The following KANK3 variants were observed in gnomAD, a reference collection of about 807,000 sequenced individuals.
KANK3 encodes the protein KN motif and ankyrin repeat domain-containing protein 3.
A neutral mutation model predicts 65.4 loss-of-function variants in KANK3; 61 were observed. That is an observed-to-expected ratio of 0.93 (90% CI 0.76 to 1.15). The LOEUF is 1.15. Ranked by LOEUF, KANK3 falls within the 50% of genes most tolerant of loss-of-function variation. KANK3 has a pLI of 0.00. For missense variants in KANK3, 1,187 were observed against 1,178.8 expected, an observed-to-expected ratio of 1.01 and a Z score of -0.10; for synonymous variants, 586 against 543.3, an observed-to-expected ratio of 1.08 and a Z score of -1.09.
rs148544896 is a variant in KANK3 at position 8,334,331 on chromosome 19, G to C, written c.1416C>G (p.Val472=). The stretch of plus-strand genomic sequence containing the variant: ...GGAAAGGCGCTCACTCTCCGTTGAG[G>C]ACCCCAACAAACTGCAGGCTCTTGG... ...SGPKSLQFVG[V]LNGEYESSSS... Residue 472 remains valine, a synonymous_variant, in exon 4 of 11, where the codon GTC becomes GTG. Coordinates refer to ENST00000330915, the MANE Select transcript of KANK3 (RefSeq NM_198471.3). The C allele has an allele frequency of 1.2e-6, 2 of 1,613,994 alleles. No homozygotes were observed. Among genetic ancestry groups the C allele is most frequent in the Admixed American group, 1.7e-5 (1 of 60,006 alleles).
chr19:8,335,658 G>A lies in KANK3; in HGVS notation c.169C>T (p.Arg57Cys). ...GGGGCGCGGCGGGCAGCGGGGCCAC[G>A]CTCCAGCTCCTCTATGTACTTGAGG... ...DFLKYIEELE[R>C]GPAARRAPGP... Residue 57 changes from arginine to cysteine, a missense_variant, in exon 3 of 11, where the codon CGT (arginine) becomes TGT (cysteine). By Grantham distance (180) the Arg-to-Cys change is radical. Around this residue, in one of 3 missense-constraint regions of KANK3, gnomAD observed 104 missense variants for 122.1 expected, o/e 0.85. Transcript: ENST00000330915. 1 of 1,250,250 alleles carries A rather than the reference G, an allele frequency of 8.0e-7. No individual in the cohort carries two copies. Among genetic ancestry groups the A allele is most frequent in the South Asian group, 4.0e-5 (1 of 25,276 alleles). The allele number at this position is 1,250,250 out of a possible 1,614,324, so 77.4% of individuals were successfully genotyped here.
At chr19:8,337,199 A>ATTTTTTT (rs33926642) in intron 2 of KANK3, among the ~76,000 whole-genome samples, 6 of 88,846 alleles carry the variant, frequency 6.8e-5, no homozygotes, top group Non-Finnish European at 1.0e-4. Flanking sequence ...TGCCTGGCTA[A>ATTTTTTT]TTTTTTTTTT....
At position 8,333,635 on chromosome 19, in the gene KANK3, TG is replaced by T; in HGVS notation, c.1719+88del. On this transcript the variant is annotated intron_variant, in intron 6 of 10. Coordinates refer to ENST00000330915, the MANE Select transcript of KANK3 (RefSeq NM_198471.3). The surrounding 1 kb of genome is among the most constrained non-coding windows in gnomAD (Gnocchi z 5.0). ...AGGCGAGGTGCCTGGCGGGAAGGGATGGAACCCGGTGTGCTCCCCTAAGTGG... is the reference window on the plus strand; with the variant it reads ...AGGCGAGGTGCCTGGCGGGAAGGGATGAACCCGGTGTGCTCCCCTAAGTGG... 1 of 1,090,832 alleles carries T rather than the reference TG, an allele frequency of 9.2e-7. No homozygotes were observed. The allele number at this position is 1,090,832 out of a possible 1,614,324, so 67.6% of individuals were successfully genotyped here. A position where few individuals can be genotyped will look rare whatever the true frequency, so the allele number is the denominator to read the frequency against.
rs778075778 is a variant in KANK3 at position 8,324,748 on chromosome 19, ACAT to A, written c.2162_2164del (p.Asp721del). 6 of 1,614,068 alleles carry A rather than the reference ACAT, an allele frequency of 3.7e-6. No homozygotes were observed. The highest frequency in any genetic ancestry group is 1.1e-5 in the South Asian group (1 of 91,092). ...GGCCCCATCCGCATCCTGCGCATTCACATCAGCCCCACACGCCAGTAGGGTTGC... is the reference window on the plus strand; with the variant it reads ...GGCCCCATCCGCATCCTGCGCATTCACAGCCCCACACGCCAGTAGGGTTGC... On this transcript the variant is annotated inframe_deletion, in exon 9 of 11. Transcript: ENST00000330915.
chr19:8,335,455 G>A lies in KANK3; in HGVS notation c.372C>T (p.Pro124=). The A allele has an allele frequency of 8.1e-7, 1 of 1,227,254 alleles. No individual in the cohort carries two copies. The highest frequency in any genetic ancestry group is 1.0e-6 in the Non-Finnish European group (1 of 982,422). The allele number at this position is 1,227,254 out of a possible 1,614,324, so 76.0% of individuals were successfully genotyped here. A position where few individuals can be genotyped will look rare whatever the true frequency, so the allele number is the denominator to read the frequency against. The change falls in exon 3 of 11, where the codon CCC becomes CCT. Residue 124 remains proline, a synonymous_variant. Transcript: ENST00000330915. ...LLMQPLSPRA[P]VRNPRVEHTL... ...TGTGCTCGACGCGCGGGTTGCGCAC[G>A]GGCGCGCGCGGCGACAGCGGCTGCA...
Position 8,333,309 on chromosome 19 carries a change from A to T in KANK3, c.1720-79T>A. 8.3e-7 allele frequency: 1 copy of T among 1,198,360 alleles called. No homozygotes were observed. The highest frequency in any genetic ancestry group is 2.4e-5 in the East Asian group (1 of 41,604). 74.2% of individuals were successfully genotyped at this position (1,198,360 alleles called of 1,614,324 possible). On this transcript the variant is annotated intron_variant, in intron 6 of 10. Transcript: ENST00000330915. The surrounding 1 kb of genome is among the most constrained non-coding windows in gnomAD (Gnocchi z 5.0). The stretch of plus-strand genomic sequence containing the variant: ...GGTGGGGGAGCTGGGGAGGGGCGGG[A>T]CTGGGAAGAGACCCATTTGGCGTTT...
chr19:8,339,303 G>A (rs978378886), intron 1 of KANK3, among the ~76,000 whole-genome samples: 2 of 151,744 alleles, frequency 1.3e-5, no homozygotes, highest in Admixed American at 6.6e-5. Flanking sequence ...CAGAAGGATC[G>A]CTTGAGCCTA....
chr19:8,336,123 T>A (rs1254862708), intron 2 of KANK3, among the ~76,000 whole-genome samples: 1 of 152,156 alleles, frequency 6.6e-6, no homozygotes, highest in Non-Finnish European at 1.5e-5. Flanking sequence ...GAAGCTTTCC[T>A]GTGAGGGGAC....
chr19:8,324,280 C>T (rs10416635), intron 10 of KANK3, among the ~76,000 whole-genome samples, 169 bp downstream of exon 10: 43,775 of 152,160 alleles, frequency 0.29, 6,779 homozygotes, highest in African/African-American at 0.4. Context: ...CAGAGTGAGA[C>T]CCTGTCTCCC....
intron 1 of KANK3, among the ~76,000 whole-genome samples, chr19:8,338,310 C>T (rs1300815174): frequency 2.6e-5 from 4 of 152,038 alleles, no homozygotes; most frequent in African/African-American, 9.7e-5. Context: ...GCATGAGCCA[C>T]CGTGCCTAGC....
chr19:8,323,875 G>C (rs1231934085), intron 10 of KANK3, among the ~76,000 whole-genome samples: 1 of 152,210 alleles, frequency 6.6e-6, no homozygotes, highest in African/African-American at 2.4e-5. Context: ...GGTGTTGGGG[G>C]TTAATGTGTT....
At chr19:8,327,449 G>A (rs1970448307) in intron 7 of KANK3, among the ~76,000 whole-genome samples, 1 of 152,122 alleles carries the variant, frequency 6.6e-6, no homozygotes, top group Non-Finnish European at 1.5e-5. Flanking sequence ...GGCCAACATG[G>A]TGAAACACCG....
intron 7 of KANK3, among the ~76,000 whole-genome samples, chr19:8,330,447 G>C (rs574286852): frequency 6.6e-6 from 1 of 152,154 alleles, no homozygotes; most frequent in Non-Finnish European, 1.5e-5. Flanking sequence ...TGTAAAAATT[G>C]TCTGGGCACG....
chr19:8,327,716 C>T (rs964610683), intron 7 of KANK3, among the ~76,000 whole-genome samples: 1 of 152,060 alleles, frequency 6.6e-6, no homozygotes, highest in East Asian at 1.9e-4. Context: ...ATCGCTTGAG[C>T]CTGGGAGGTT....
At chr19:8,337,199 ATTTTT>A (rs33926642) in intron 2 of KANK3, among the ~76,000 whole-genome samples, 3 of 88,856 alleles carry the variant, frequency 3.4e-5, no homozygotes, top group Non-Finnish European at 6.2e-5. Context: ...TGCCTGGCTA[ATTTTT>A]TTTTTTTTTT....
Position 8,333,705 on chromosome 19 carries a change from G to A in KANK3, c.1719+19C>T. ...GGCTCCCACGCCACTCCCTGGTGCT[G>A]CGCTCCCGGGGCACTCACGCCGTCG... On this transcript the variant is annotated intron_variant, in intron 6 of 10. Coordinates refer to ENST00000330915, the MANE Select transcript of KANK3 (RefSeq NM_198471.3). The surrounding 1 kb of genome is among the most constrained non-coding windows in gnomAD (Gnocchi z 5.0). 1 of 1,442,332 alleles carries A rather than the reference G, an allele frequency of 6.9e-7. No individual in the cohort carries two copies. The highest frequency in any genetic ancestry group is 9.1e-7 in the Non-Finnish European group (1 of 1,096,302). 89.3% of individuals were successfully genotyped at this position (1,442,332 alleles called of 1,614,324 possible).
chr19:8,325,284 T>G (rs1970405599), intron 7 of KANK3, among the ~76,000 whole-genome samples, 188 bp from the exon 8 acceptor site: 1 of 145,360 alleles, frequency 6.9e-6, no homozygotes, highest in African/African-American at 2.5e-5. Flanking sequence ...GTGAAGGACC[T>G]TCCTGTTTCA....
At chr19:8,326,315 G>A (rs1371843944) in intron 7 of KANK3, among the ~76,000 whole-genome samples, 1 of 152,016 alleles carries the variant, frequency 6.6e-6, no homozygotes, top group African/African-American at 2.4e-5. Flanking sequence ...TGTAATCTCA[G>A]CTACTCAGGA....
intron 4 of KANK3, 70 bp from the exon 5 acceptor site, chr19:8,334,186 T>C (rs1970584617): frequency 3.3e-6 from 5 of 1,497,690 alleles, no homozygotes; most frequent in Non-Finnish European, 4.5e-6. Flanking sequence ...GCGATGTGGG[T>C]GTGGCCGTTC....
Sources: allele counts gnomAD v4.1 joint callset (sites outside exome capture counted in the v4.1 genomes callset), GRCh38; gene constraint gnomAD v4.1.1; regional missense constraint gnomAD v4.1.1; non-coding constraint Gnocchi (gnomAD v3.1); transcripts MANE v1.5; gene names NCBI Gene and HGNC (gene_info 2026-07-23, HGNC 2026-07-21).